The following CCDC66 variants were observed in gnomAD, a reference collection of about 807,000 sequenced individuals.
The protein encoded by CCDC66 is coiled-coil domain-containing protein 66.
CCDC66 carries 133 observed loss-of-function variants against 128.3 expected under a neutral mutation model. The observed-to-expected ratio is 1.04, with a 90% CI of 0.90 to 1.20. The LOEUF (loss-of-function observed/expected upper bound fraction) is 1.20, where lower values mean the gene tolerates loss of function less well. Ranked by LOEUF, CCDC66 falls within the 50% of genes most tolerant of loss-of-function variation. CCDC66 has a pLI of 0.00. For synonymous variants in CCDC66, 387 were observed against 357.0 expected (o/e 1.08, Z -0.95); for missense variants, 1,126 against 1,075.5 (o/e 1.05, Z -0.66).
rs547080223 is a variant in CCDC66 at position 56,563,845 on chromosome 3, T to C, written c.264T>C (p.Thr88=). The C allele has an allele frequency of 3.8e-6, 6 of 1,577,292 alleles. No homozygotes were observed. In the African/African-American group the frequency reaches 8.1e-5, roughly 21 times the overall value. Residue 88 remains threonine (T), a synonymous_variant, in exon 4 of 18, where the codon ACT becomes ACC. Coordinates refer to ENST00000394672, the MANE Select transcript of CCDC66 (RefSeq NM_001141947.3). Reference sequence around the variant, plus strand: ...CAAAAGGTGAAAAAAATGGAATGACTTTTTCATCCACTAAGGATTTATGTA... The same window carrying C: ...CAAAAGGTGAAAAAAATGGAATGACCTTTTCATCCACTAAGGATTTATGTA... ...SQAKGEKNGM[T]FSSTKDLCKQ...
chr3:56,615,312 A>G (rs2075354125), intron 12 of CCDC66, 40 bp downstream of exon 12: 1 of 1,552,260 alleles, frequency 6.4e-7, no homozygotes, highest in Non-Finnish European at 8.7e-7. Context: ...ATATTTTTAG[A>G]AGATGATTTT....
rs867321372 is a variant in CCDC66 at position 56,578,255 on chromosome 3, T to G, written c.936+6953T>G. On this transcript the variant is annotated intron_variant, in intron 7 of 17. Transcript: ENST00000394672. ...AATGCTTGTGATTTTTGCACATTGA[T>G]TTTGTATCCTGAGACTTTGCTGAAG... is the stretch of plus-strand genomic sequence containing the variant. Among the ~76,000 whole-genome samples, 12 of 151,944 alleles carry G rather than the reference T, an allele frequency of 7.9e-5. No homozygotes were observed. The Middle Eastern group carries it at 0.017, about 215-fold the overall frequency.
chr3:56,589,121 A>G (rs563996026), intron 7 of CCDC66, among the ~76,000 whole-genome samples: 2 of 152,212 alleles, frequency 1.3e-5, no homozygotes, highest in Non-Finnish European at 2.9e-5. Context: ...AAAAGGAGAT[A>G]TTACCAGAGA....
At chr3:56,601,340 TTTGGTACCAGTACCATGCTGCTTTGG>T (rs1295833480) in intron 10 of CCDC66, among the ~76,000 whole-genome samples, 1 of 152,052 alleles carries the variant, frequency 6.6e-6, no homozygotes, top group Admixed American at 6.6e-5. Flanking sequence ...ATATATCTGT[TTTGGTACCAGTACCATGCTGCTTTGG>T]TTATTGTAAC....
chr3:56,617,146 A>G lies in CCDC66; in HGVS notation c.1878A>G (p.Glu626=). 1 of 1,583,158 alleles carries G rather than the reference A, an allele frequency of 6.3e-7. No individual in the cohort carries two copies. Reference sequence around the variant, plus strand: ...ATATAGGAATATTCACCAATGCAGAATCACATTGTGGATCATTAATGGAGA... The same window carrying G: ...ATATAGGAATATTCACCAATGCAGAGTCACATTGTGGATCATTAATGGAGA... ...DLNIGIFTNA[E]SHCGSLMERD... is the part of the protein sequence containing the mutation. The change falls in exon 14 of 18, where the codon GAA becomes GAG. Residue 626 remains glutamate, a synonymous_variant. Coordinates refer to ENST00000394672, the MANE Select transcript of CCDC66 (RefSeq NM_001141947.3).
rs778386648 is a variant in CCDC66, at chr3:56,616,016, T to C, written c.1806T>C (p.Asn602=). The C allele has an allele frequency of 6.5e-7, 1 of 1,534,850 alleles. No individual in the cohort carries two copies. Among genetic ancestry groups the C allele is most frequent in the Non-Finnish European group, 8.6e-7 (1 of 1,158,534 alleles). ...EISGKMNTYM[N]STTSKKDTGV... ...GTGGTAAAATGAATACATATATGAATTCTACGACTTCTAAGAAGGATACTG... is the reference window on the plus strand; with the variant it reads ...GTGGTAAAATGAATACATATATGAACTCTACGACTTCTAAGAAGGATACTG... The change falls in exon 13 of 18, where the codon AAT becomes AAC. Residue 602 remains asparagine (N), a synonymous_variant. Transcript: ENST00000394672.
intron 10 of CCDC66, 85 bp downstream of exon 10, chr3:56,594,113 C>G (rs1045165563): frequency 9.7e-6 from 12 of 1,233,100 alleles, no homozygotes; most frequent in Admixed American, 3.4e-5. Flanking sequence ...AATTTAAATT[C>G]TGATGTAAAC....
chr3:56,559,781 CA>C (rs1170066328), intron 3 of CCDC66, among the ~76,000 whole-genome samples, 187 bp downstream of exon 3: 1 of 152,098 alleles, frequency 6.6e-6, no homozygotes, highest in African/African-American at 2.4e-5. Flanking sequence ...AGGTTTAGCC[CA>C]ATAGAACCTC....
chr3:56,619,440 G>A lies in CCDC66; in HGVS notation c.2548G>A (p.Val850Ile), dbSNP rs1302461859. 1.2e-6 allele frequency: 2 copies of A among 1,613,978 alleles called. No homozygotes were observed. Among genetic ancestry groups the A allele is most frequent in the Non-Finnish European group, 1.7e-6 (2 of 1,179,934 alleles). The change falls in exon 16 of 18, where the codon GTT (valine) becomes ATT (isoleucine). Residue 850 changes from valine (V) to isoleucine (I), a missense_variant. Physicochemically the swap from Val to Ile is conservative, Grantham distance 29. Coordinates refer to ENST00000394672, the MANE Select transcript of CCDC66 (RefSeq NM_001141947.3). ...ISESSHFIPYVRTNEIYYLDP... is the reference protein window; with the variant it reads ...ISESSHFIPYIRTNEIYYLDP... ...TGAATCATCCCATTTTATTCCGTAT[G>A]TTCGAACAAATGAGATCTATTACCT...
intron 7 of CCDC66, among the ~76,000 whole-genome samples, chr3:56,583,777 A>G (rs189217841): frequency 0.034 from 5,116 of 151,886 alleles, 130 homozygotes; most frequent in Middle Eastern, 0.078. Context: ...CAAAACCGCC[A>G]TCGTCATCAT....
At chr3:56,602,711 G>A (rs1362209570) in intron 10 of CCDC66, among the ~76,000 whole-genome samples, 1 of 151,650 alleles carries the variant, frequency 6.6e-6, no homozygotes, top group Non-Finnish European at 1.5e-5. Context: ...TTGGGAGGGT[G>A]TATGTGTCCA....
chr3:56,582,661 GT>G, intron 7 of CCDC66, among the ~76,000 whole-genome samples: 1 of 151,676 alleles, frequency 6.6e-6, no homozygotes, highest in South Asian at 2.1e-4. Flanking sequence ...TTCTAAAAGT[GT>G]TTTTTAGAAT....
intron 10 of CCDC66, among the ~76,000 whole-genome samples, chr3:56,600,774 G>A (rs1319741685): frequency 1.3e-5 from 2 of 152,066 alleles, no homozygotes. Context: ...CTGCATAAAT[G>A]TCTTCTTTTG....
intron 9 of CCDC66, 59 bp from the exon 10 acceptor site, chr3:56,593,885 T>A: frequency 6.3e-7 from 1 of 1,594,364 alleles, no homozygotes; most frequent in South Asian, 1.1e-5. Context: ...CAAAAATGAT[T>A]TAGCTTGTTG....
intron 7 of CCDC66, among the ~76,000 whole-genome samples, chr3:56,578,995 C>T (rs1007958808): frequency 6.6e-5 from 10 of 151,802 alleles, no homozygotes; most frequent in African/African-American, 2.4e-4. Context: ...GTACCAGCTC[C>T]TCTTTATACC....
chr3:56,621,481 C>A, intron 17 of CCDC66, 51 bp from the exon 18 acceptor site: 2 of 1,132,880 alleles, frequency 1.8e-6, no homozygotes, highest in Non-Finnish European at 2.5e-6. Context: ...CACAACATTG[C>A]AAGTCAGGTG....
At chr3:56,559,691 C>A in intron 3 of CCDC66, 97 bp downstream of exon 3, 1 of 953,376 alleles carries the variant, frequency 1.0e-6, no homozygotes, top group South Asian at 1.8e-5. Context: ...GTCAAGTGTT[C>A]TAAGGGGTTT....
chr3:56,617,707 T>C (rs2075694330), intron 14 of CCDC66, 102 bp downstream of exon 14: 1 of 1,418,400 alleles, frequency 7.1e-7, no homozygotes, highest in Admixed American at 2.4e-5. Context: ...TGTTTCAGTT[T>C]ACATTAGGGA....
intron 6 of CCDC66, among the ~76,000 whole-genome samples, chr3:56,567,553 AAAACT>A (rs1289013796): frequency 6.6e-6 from 1 of 152,214 alleles, no homozygotes; most frequent in Non-Finnish European, 1.5e-5. Flanking sequence ...ACAAAATATA[AAAACT>A]AAAATAAATG....
Sources: gnomAD v4.1 joint callset for allele counts (sites outside exome capture counted in the v4.1 genomes callset) on GRCh38, gnomAD v4.1.1 for gene constraint, MANE v1.5 for transcripts, NCBI Gene and HGNC (gene_info 2026-07-23, HGNC 2026-07-21) for gene names.